The following SLC12A1 variants were observed in gnomAD, a reference collection of about 807,000 sequenced individuals.
SLC12A1 encodes Na-K-2Cl cotransporter.
Under a neutral mutation model 130.4 loss-of-function variants are expected in SLC12A1, and 89 were observed. The observed-to-expected ratio is 0.68, with a 90% confidence interval of 0.58 to 0.81. The LOEUF is 0.81. Ranked by LOEUF, SLC12A1 falls within the 40% of genes least tolerant of loss-of-function variation. The probability of loss-of-function intolerance (pLI) is 0.00; values close to 1 mark genes in which losing one functional copy is unlikely to be tolerated. For synonymous variants in SLC12A1, 499 were observed against 460.0 expected, an observed-to-expected ratio of 1.08 and a Z score of -1.09; for missense variants, 1,310 against 1,336.4, an observed-to-expected ratio of 0.98 and a Z score of 0.31.
rs2041931792 is a variant in SLC12A1 at position 48,274,648 on chromosome 15, TGCAAGGTA to T, written c.2481_2485+3del. ...TTTGACATCTCTCAGGTTCTTCAGG[TGCAAGGTA>T]TGTACTTTCTTTATTCAACCAACAA... On this transcript the variant is annotated splice_donor_variant and splice_donor_region_variant and coding_sequence_variant and intron_variant, in exon 20 of 27. Coordinates refer to ENST00000380993, the MANE Select transcript of SLC12A1 (RefSeq NM_000338.3). LOFTEE classifies it high-confidence loss of function. 2.5e-6 allele frequency: 4 copies of T among 1,607,538 alleles called. No homozygotes were observed. The South Asian group carries it at 4.4e-5, about 18-fold the overall frequency.
chr15:48,285,423 T>C (rs769366749), intron 21 of SLC12A1, among the ~76,000 whole-genome samples, 174 bp downstream of exon 21: 5 of 152,248 alleles, frequency 3.3e-5, no homozygotes, highest in Admixed American at 1.3e-4. Flanking sequence ...TTGTCATTTA[T>C]CAACCTCATT....
intron 17 of SLC12A1, among the ~76,000 whole-genome samples, chr15:48,263,953 A>G (rs926658846): frequency 2.6e-5 from 4 of 152,102 alleles, no homozygotes; most frequent in East Asian, 1.9e-4. Flanking sequence ...TCGACCTCCC[A>G]AAGTCCATTA....
At chr15:48,285,401 C>T (rs2042047006) in intron 21 of SLC12A1, among the ~76,000 whole-genome samples, 152 bp downstream of exon 21, 1 of 152,182 alleles carries the variant, frequency 6.6e-6, no homozygotes, top group South Asian at 2.1e-4. Context: ...TATGGATAAA[C>T]GGTAGCAGCT....
In SLC12A1 at chr15:48,233,526, A is replaced by C. The variant is rs554771805; in HGVS notation, c.1087+688A>C. On this transcript the variant is annotated intron_variant, in intron 8 of 26. Transcript: ENST00000380993. ...GCAGAAAAGACTGTAGGAGTTACTC[A>C]GTGTAGCATCCTGTGATAACATCAC... Among the ~76,000 whole-genome samples, 69 of 152,352 alleles carry C rather than the reference A, an allele frequency of 4.5e-4. 1 individual carries two copies. Among genetic ancestry groups the C allele is most frequent in the Middle Eastern group, 3.4e-3 (1 of 294 alleles).
intron 24 of SLC12A1, among the ~76,000 whole-genome samples, chr15:48,292,075 G>A (rs1468411067): frequency 1.3e-5 from 2 of 152,244 alleles, no homozygotes; most frequent in African/African-American, 2.4e-5. Context: ...AAGCCTGAGA[G>A]GGAGAATTGT....
At chr15:48,225,790 T>C (rs1446170916) in intron 4 of SLC12A1, 2 of 489,320 alleles carry the variant, frequency 4.1e-6, no homozygotes, top group Non-Finnish European at 5.3e-6. Context: ...CTGGTTTTTA[T>C]GTAAATGATC....
chr15:48,292,429 G>A (rs1331856691), intron 24 of SLC12A1, among the ~76,000 whole-genome samples: 8 of 151,710 alleles, frequency 5.3e-5, no homozygotes, highest in African/African-American at 1.9e-4. Context: ...AAAAAAAAAA[G>A]AAAATGACAA....
intron 2 of SLC12A1, among the ~76,000 whole-genome samples, chr15:48,210,621 G>A (rs1377994280): frequency 6.6e-6 from 1 of 151,116 alleles, no homozygotes; most frequent in Non-Finnish European, 1.5e-5. Flanking sequence ...TTGGGAGGCT[G>A]AGGCTGGTGG....
intron 13 of SLC12A1, among the ~76,000 whole-genome samples, chr15:48,249,327 A>T (rs74747123): frequency 0.23 from 1,270 of 5,492 alleles, 54 homozygotes; most frequent in Middle Eastern, 0.5. Flanking sequence ...TTGCCACTTG[A>T]ACTTTTTGTA....
At chr15:48,238,466 T>C (rs2041464633) in intron 9 of SLC12A1, among the ~76,000 whole-genome samples, 1 of 151,516 alleles carries the variant, frequency 6.6e-6, no homozygotes, top group African/African-American at 2.4e-5. Context: ...AAAAAGCAAG[T>C]CCATGAAGAA....
At chr15:48,228,317 AT>A (rs1366444539) in intron 5 of SLC12A1, 1 of 152,774 alleles carries the variant, frequency 6.5e-6, no homozygotes, top group Non-Finnish European at 1.5e-5. Flanking sequence ...GGGAGAAGTA[AT>A]TGTTCCAGAC....
At chr15:48,224,535 C>G (rs1341930308) in intron 4 of SLC12A1, 1 of 152,078 alleles carries the variant, frequency 6.6e-6, no homozygotes, top group Non-Finnish European at 1.5e-5. Flanking sequence ...CATAGGGTGG[C>G]AAATGCTGCC....
At chr15:48,241,424 C>T in intron 9 of SLC12A1, 91 bp from the exon 10 acceptor site, 1 of 1,082,926 alleles carries the variant, frequency 9.2e-7, no homozygotes, top group South Asian at 1.3e-5. Context: ...GAAGGGTAGC[C>T]TAAAAATCTG....
intron 4 of SLC12A1, chr15:48,222,700 A>G (rs1383990827): frequency 6.6e-6 from 1 of 152,160 alleles, no homozygotes; most frequent in Non-Finnish European, 1.5e-5. Flanking sequence ...TGAACCTAAA[A>G]CTTAATGAGT....
intron 10 of SLC12A1, among the ~76,000 whole-genome samples, chr15:48,243,327 C>T (rs922942514): frequency 2.0e-5 from 3 of 152,050 alleles, no homozygotes; most frequent in Non-Finnish European, 2.9e-5. Context: ...AAAAGGATCC[C>T]TGCACTGATT....
chr15:48,273,490 G>C (rs1358507348), intron 19 of SLC12A1, among the ~76,000 whole-genome samples: 1 of 152,170 alleles, frequency 6.6e-6, no homozygotes, highest in East Asian at 1.9e-4. Context: ...ACAGGTTCCA[G>C]GAATTAGGAT....
chr15:48,219,078 A>G (rs1014290238), intron 2 of SLC12A1, among the ~76,000 whole-genome samples: 1 of 152,216 alleles, frequency 6.6e-6, no homozygotes, highest in African/African-American at 2.4e-5. Flanking sequence ...CTACTCAACT[A>G]GTAATCAGTT....
intron 4 of SLC12A1, chr15:48,224,585 T>C (rs2041259564): frequency 6.6e-6 from 1 of 152,162 alleles, no homozygotes; most frequent in Non-Finnish European, 1.5e-5. Context: ...GATAAGAGCT[T>C]GTCAGCAAAG....
chr15:48,243,513 G>A (rs909216331), intron 10 of SLC12A1, among the ~76,000 whole-genome samples: 2 of 152,074 alleles, frequency 1.3e-5, no homozygotes, highest in Admixed American at 6.6e-5. Context: ...AAAATTATCC[G>A]GGCATGGTGG....
Sources: allele counts gnomAD v4.1 joint callset (sites outside exome capture counted in the v4.1 genomes callset), GRCh38; gene constraint gnomAD v4.1.1; transcripts MANE v1.5; gene names NCBI Gene and HGNC (gene_info 2026-07-23, HGNC 2026-07-21).